ZNF83: variants seen among roughly 807,000 people sequenced by gnomAD.
The protein encoded by ZNF83 is zinc finger protein 816B.
For synonymous variants in ZNF83, 209 were observed against 213.0 expected (o/e 0.98, Z 0.17); for missense variants, 552 against 629.9 (o/e 0.88, Z 1.32).
Position 52,635,168 on chromosome 19 carries a change from T to C in ZNF83, c.-321-15A>G. ...AGAAGTCAATCCTGAATGTTAAAAA[T>C]ATGTTGTTTATTGCTCAGAATCAAT... On this transcript the variant is annotated splice_polypyrimidine_tract_variant and intron_variant, in intron 1 of 2. Transcript: ENST00000301096. The C allele has an allele frequency of 1.6e-6, 1 of 628,996 alleles. No homozygotes were observed. Among genetic ancestry groups the C allele is most frequent in the Non-Finnish European group, 2.8e-6 (1 of 351,104 alleles). 39.0% of individuals were successfully genotyped at this position (628,996 alleles called of 1,614,324 possible).
chr19:52,638,688 G>A (rs2061238459), upstream of ZNF83, among the ~76,000 whole-genome samples: 2 of 152,196 alleles, frequency 1.3e-5, no homozygotes, highest in African/African-American at 2.4e-5. Context: ...CCACAGAACC[G>A]AATAGAAATC....
rs144630570 is a variant in ZNF83, at chr19:52,681,591, G to C, written c.-283+8852C>G. Among the ~76,000 whole-genome samples, 368 of 152,258 alleles carry C rather than the reference G, an allele frequency of 2.4e-3. 2 individuals are homozygous for C. Among genetic ancestry groups the C allele is most frequent in the African/African-American group, 8.3e-3 (344 of 41,546 alleles). ...CCATGAAGAAAGATCTGTACTTGGA[G>C]ACAAGTGCATCACACATACTAGGAA... is the stretch of plus-strand genomic sequence containing the variant. On this transcript the variant is annotated intron_variant, in intron 1 of 5. Transcript: ENST00000594682.
At chr19:52,673,505 C>A (rs1306481916) in intron 1 of ZNF83, among the ~76,000 whole-genome samples, 1 of 151,768 alleles carries the variant, frequency 6.6e-6, no homozygotes, top group African/African-American at 2.4e-5. Context: ...CTCCATCACA[C>A]ACACACACAC....
intron 1 of ZNF83, among the ~76,000 whole-genome samples, chr19:52,673,487 G>A (rs1166761790): frequency 6.7e-6 from 1 of 149,792 alleles, no homozygotes; most frequent in Non-Finnish European, 1.5e-5. Context: ...TACACAAGAA[G>A]AGTGTAACTC....
intron 2 of ZNF83, among the ~76,000 whole-genome samples, chr19:52,659,180 C>A (rs1056020095): frequency 2.0e-5 from 3 of 151,964 alleles, no homozygotes; most frequent in Non-Finnish European, 4.4e-5. Flanking sequence ...ACAGACCCCC[C>A]ACAGTTCAAG....
At chr19:52,677,476 ACT>A (rs1014631038) in intron 1 of ZNF83, among the ~76,000 whole-genome samples, 1 of 151,566 alleles carries the variant, frequency 6.6e-6, no homozygotes, top group African/African-American at 2.4e-5. Context: ...ACAGAGTGAG[ACT>A]CTGTCTCAAA....
At chr19:52,676,035 A>AGCTCTC (rs1279016882) in intron 1 of ZNF83, among the ~76,000 whole-genome samples, 61 of 151,334 alleles carry the variant, frequency 4.0e-4, no homozygotes, top group Non-Finnish European at 1.5e-4. Flanking sequence ...CTAACAATAC[A>AGCTCTC]GCTCTCGCTC....
chr19:52,650,986 C>A (rs761265883), intron 3 of ZNF83: 8 of 152,222 alleles, frequency 5.3e-5, no homozygotes, highest in Non-Finnish European at 1.2e-4. Flanking sequence ...ATATCCAATT[C>A]CCTTAGAAGG....
chr19:52,645,809 C>CG (rs1177697634), intron 3 of ZNF83, among the ~76,000 whole-genome samples: 2 of 149,044 alleles, frequency 1.3e-5, no homozygotes, highest in South Asian at 2.1e-4. Context: ...TCTGCCCCCC[C>CG]CCAAAAAAAG....
intron 1 of ZNF83, among the ~76,000 whole-genome samples, chr19:52,676,469 G>A (rs115678992): frequency 0.028 from 4,289 of 151,672 alleles, 190 homozygotes; most frequent in African/African-American, 0.098. Flanking sequence ...AGCCTGCCCC[G>A]GCCCGGCTAG....
intron 3 of ZNF83, among the ~76,000 whole-genome samples, chr19:52,649,955 C>T (rs1161417907): frequency 1.3e-5 from 2 of 152,046 alleles, no homozygotes; most frequent in East Asian, 3.9e-4. Flanking sequence ...ATTTGCCAGG[C>T]CTCACAAAAG....
intron 2 of ZNF83, among the ~76,000 whole-genome samples, chr19:52,633,419 C>T (rs1311067080): frequency 1.3e-5 from 2 of 152,198 alleles, no homozygotes; most frequent in African/African-American, 4.8e-5. Context: ...TTTTAATTTA[C>T]TGCCGTTTTT....
chr19:52,664,289 A>T (rs1262538114), intron 1 of ZNF83, among the ~76,000 whole-genome samples: 1 of 151,432 alleles, frequency 6.6e-6, no homozygotes, highest in Non-Finnish European at 1.5e-5. Context: ...TAAGCCCTAG[A>T]GTTCGAGACC....
chr19:52,660,393 G>A (rs376389162), intron 2 of ZNF83, among the ~76,000 whole-genome samples: 94 of 150,298 alleles, frequency 6.3e-4, no homozygotes, highest in Middle Eastern at 6.8e-3. Context: ...AACTGTCAAG[G>A]AGATTAAGTG....
chr19:52,661,535 G>A (rs1013375903), intron 1 of ZNF83, among the ~76,000 whole-genome samples: 3 of 152,178 alleles, frequency 2.0e-5, no homozygotes, highest in African/African-American at 4.8e-5. Context: ...CAGCGCCATC[G>A]TATTATTGAG....
chr19:52,659,179 C>CG (rs1600238862), intron 2 of ZNF83, among the ~76,000 whole-genome samples: 1 of 151,858 alleles, frequency 6.6e-6, no homozygotes, highest in African/African-American at 2.4e-5. Flanking sequence ...AACAGACCCC[C>CG]CACAGTTCAA....
chr19:52,658,847 GA>G (rs1201214544), intron 2 of ZNF83, among the ~76,000 whole-genome samples: 1 of 152,154 alleles, frequency 6.6e-6, no homozygotes, highest in Non-Finnish European at 1.5e-5. Context: ...ATTTACTTCA[GA>G]TCACAGTACC....
chr19:52,629,166 C>G (rs560941016), intron 2 of ZNF83, among the ~76,000 whole-genome samples: 1 of 152,096 alleles, frequency 6.6e-6, no homozygotes, highest in Non-Finnish European at 1.5e-5. Context: ...AATACAAACT[C>G]GACAGTAGTT....
intron 2 of ZNF83, among the ~76,000 whole-genome samples, chr19:52,622,432 C>T (rs1285004027): frequency 1.3e-5 from 2 of 152,154 alleles, no homozygotes; most frequent in Non-Finnish European, 2.9e-5. Flanking sequence ...AGAGTTTATA[C>T]CCTAGCCCAG....
Sources: gnomAD v4.1 joint callset for allele counts (sites outside exome capture counted in the v4.1 genomes callset) on GRCh38, gnomAD v4.1.1 for gene constraint, MANE v1.5 for transcripts, NCBI Gene and HGNC (gene_info 2026-07-23, HGNC 2026-07-21) for gene names.